CDH26: variants seen among roughly 807,000 people sequenced by gnomAD.
The protein encoded by CDH26 is cadherin 26.
A neutral mutation model predicts 90.3 loss-of-function variants in CDH26; 83 were observed. The observed-to-expected ratio is 0.92, with a 90% CI of 0.77 to 1.10. CDH26 has a LOEUF of 1.10. Ranked by LOEUF, CDH26 falls within the 50% of genes least tolerant of loss-of-function variation. The probability of loss-of-function intolerance (pLI) is 0.00; values close to 1 mark genes in which losing one functional copy is unlikely to be tolerated. For synonymous variants in CDH26, 397 were observed against 396.3 expected, an observed-to-expected ratio of 1.00 and a Z score of -0.02; for missense variants, 1,013 against 1,037.6, an observed-to-expected ratio of 0.98 and a Z score of 0.33.
chr20:60,035,562 C>T (rs1020727257), downstream of CDH26, among the ~76,000 whole-genome samples: 1 of 151,858 alleles, frequency 6.6e-6, no homozygotes, highest in Admixed American at 6.6e-5. Flanking sequence ...TTGTCATTTA[C>T]CCATTTTTTT....
intron 1 of CDH26, among the ~76,000 whole-genome samples, chr20:59,967,882 TTCCTTC>T (rs1569024343): frequency 1.2e-4 from 14 of 116,444 alleles, no homozygotes; most frequent in African/African-American, 5.3e-4. Flanking sequence ...TCTTTCTTCC[TTCCTTC>T]CTTCCTTCCT....
rs1200975482 is a variant in CDH26, at chr20:59,999,580, C to G, written c.2020-6C>G. Reference sequence around the variant, plus strand: ...CTTGTCATATTTCTTTCTCTGTGTTCTACAGACATGGTCAGATGTTGAAGG... The same window carrying G: ...CTTGTCATATTTCTTTCTCTGTGTTGTACAGACATGGTCAGATGTTGAAGG... On this transcript the variant is annotated splice_region_variant and splice_polypyrimidine_tract_variant and intron_variant, in intron 13 of 17. Transcript: ENST00000348616. 2 of 1,612,710 alleles carry G rather than the reference C, an allele frequency of 1.2e-6. No homozygotes were observed. The highest frequency in any genetic ancestry group is 2.2e-5 in the South Asian group (2 of 90,990).
chr20:60,011,758 G>A (rs2061846134), intron 17 of CDH26, among the ~76,000 whole-genome samples: 1 of 152,158 alleles, frequency 6.6e-6, no homozygotes, highest in Admixed American at 6.5e-5. Flanking sequence ...AGCATTGAGG[G>A]AGGGACGTGG....
At chr20:59,970,537 G>A (rs1347079216) in intron 3 of CDH26, among the ~76,000 whole-genome samples, 2 of 151,132 alleles carry the variant, frequency 1.3e-5, no homozygotes, top group African/African-American at 2.4e-5. Context: ...TCGGCCAGGC[G>A]CGGTGGCTCA....
rs1312973339 is a variant in CDH26, at chr20:59,983,194, G to T, written c.541+124G>T. 3.5e-6 allele frequency: 4 copies of T among 1,155,408 alleles called. No homozygotes were observed. The African/African-American group carries it at 6.2e-5, about 18-fold the overall frequency. 71.6% of individuals were successfully genotyped at this position (1,155,408 alleles called of 1,614,324 possible). ...GAGTTTTTACTGTTCACATCTCAAA[G>T]ATCGCAGGCCTTGGATCTGAGCGAA... On this transcript the variant is annotated intron_variant, in intron 5 of 17. Transcript: ENST00000348616.
chr20:59,979,103 T>C (rs1461892776), intron 4 of CDH26, among the ~76,000 whole-genome samples: 1 of 152,038 alleles, frequency 6.6e-6, no homozygotes, highest in East Asian at 1.9e-4. Flanking sequence ...AGTCACACAA[T>C]ACATGGCTTT....
intron 7 of CDH26, among the ~76,000 whole-genome samples, chr20:60,029,561 G>C (rs953414184): frequency 1.2e-4 from 18 of 152,146 alleles, no homozygotes; most frequent in African/African-American, 3.9e-4. Flanking sequence ...GTGGTTTGCT[G>C]TACCTATCAA....
Position 60,013,702 on chromosome 20 carries a change from A to T in CDH26, c.*972A>T, listed in dbSNP as rs941143462. 6.6e-5 allele frequency: 10 copies of T among 152,236 alleles called. No individual in the cohort carries two copies. Among genetic ancestry groups the T allele is most frequent in the Non-Finnish European group, 1.2e-4 (8 of 68,042 alleles). 9.4% of individuals were successfully genotyped at this position (152,236 alleles called of 1,614,324 possible). ...ATGCCGTCTCTCATGCCCTAAAATA[A>T]ATCAGTAGAAACATGTTTGCTGGTG... On this transcript the variant is annotated 3_prime_UTR_variant, in exon 18 of 18. Coordinates refer to ENST00000348616, the MANE Select transcript of CDH26 (RefSeq NM_177980.4).
rs1601148264 is a variant in CDH26 at position 59,989,253 on chromosome 20, G to A, written c.1283+90G>A. 3.2e-6 allele frequency: 5 copies of A among 1,542,422 alleles called. No individual in the cohort carries two copies. The East Asian group carries it at 1.1e-4, about 35-fold the overall frequency. On this transcript the variant is annotated intron_variant, in intron 9 of 17. Coordinates refer to ENST00000348616, the MANE Select transcript of CDH26 (RefSeq NM_177980.4). ...CCTGTTAGAAAACCAGCTCGGCCGG[G>A]CGCGGTGGCTCACGCCTGTAATCCC...
At chr20:59,978,464 C>T (rs1204750810) in intron 4 of CDH26, among the ~76,000 whole-genome samples, 5 of 151,778 alleles carry the variant, frequency 3.3e-5, no homozygotes, top group African/African-American at 1.2e-4. Context: ...CAACCTCTGC[C>T]TCCTGGGTTC....
intron 1 of CDH26, among the ~76,000 whole-genome samples, chr20:59,966,231 T>TAAAAAAAAAAAAA (rs60088029): frequency 1.3e-4 from 10 of 76,266 alleles, no homozygotes; most frequent in African/African-American, 6.3e-4. Context: ...GGTGTTGCAT[T>TAAAAAAAAAAAAA]AAAAAAAAAA....
Position 60,028,905 on chromosome 20 carries a change from C to T in CDH26, c.948-2326C>T, listed in dbSNP as rs188859423. Among the ~76,000 whole-genome samples the T allele has an allele frequency of 2.6e-3, 400 of 152,282 alleles. 3 individuals carry two copies. The highest frequency in any genetic ancestry group is 9.2e-3 in the African/African-American group (381 of 41,544). ...CTCACGTTCGCTGCAGCGTTATTCA[C>T]GGTCCCCATGGTGTGGAAAAAACCT... On this transcript the variant is annotated intron_variant, in intron 7 of 8. Transcript: ENST00000370991.
rs760805909 is a variant in CDH26 at position 59,987,655 on chromosome 20, G to A, written c.1023+17G>A. 6.3e-7 allele frequency: 1 copy of A among 1,589,300 alleles called. No individual in the cohort carries two copies. Among genetic ancestry groups the A allele is most frequent in the East Asian group, 2.3e-5 (1 of 44,196 alleles). On this transcript the variant is annotated intron_variant, in intron 8 of 17. Transcript: ENST00000348616. Reference sequence around the variant, plus strand: ...GTTATCAAGGTAACACCATACCGGTGACATACCAACCAGTTAGTGGCAGAC... The same window carrying A: ...GTTATCAAGGTAACACCATACCGGTAACATACCAACCAGTTAGTGGCAGAC...
rs1285951058 is a variant in CDH26, at chr20:60,030,982, A to G, written c.948-249A>G. On this transcript the variant is annotated intron_variant, in intron 7 of 8. Transcript: ENST00000370991. The surrounding 1 kb of genome is among the most constrained non-coding windows in gnomAD (Gnocchi z 4.0). ...AAGGTAAAGGAATAAAAGAATGGCTACTCCATAGACAAAGCAGCCTCGAGG... is the reference window on the plus strand; with the variant it reads ...AAGGTAAAGGAATAAAAGAATGGCTGCTCCATAGACAAAGCAGCCTCGAGG... Among the ~76,000 whole-genome samples, 1 of 152,194 alleles carries G rather than the reference A, an allele frequency of 6.6e-6. No homozygotes were observed. The highest frequency in any genetic ancestry group is 2.4e-5 in the African/African-American group (1 of 41,450).
intron 5 of CDH26, 122 bp from the exon 6 acceptor site, chr20:59,984,517 T>C (rs1226197103): frequency 8.8e-6 from 6 of 678,596 alleles, no homozygotes; most frequent in Admixed American, 6.1e-5. Context: ...GTTTATTTTA[T>C]ATTTAAACAT....
intron 4 of CDH26, among the ~76,000 whole-genome samples, chr20:59,978,666 G>A (rs146921090): frequency 3.9e-3 from 595 of 151,986 alleles, no homozygotes; most frequent in Middle Eastern, 6.8e-3. Context: ...GAGCCACCAC[G>A]CCCGATCTTA....
At chr20:59,971,251 T>C (rs75177090) in intron 3 of CDH26, among the ~76,000 whole-genome samples, 4,089 of 152,158 alleles carry the variant, frequency 0.027, 171 homozygotes, top group African/African-American at 0.087. Flanking sequence ...TGGTTAAAAG[T>C]GTATATGCCT....
chr20:59,991,507 A>C (rs1259153161), intron 9 of CDH26, among the ~76,000 whole-genome samples: 1 of 152,196 alleles, frequency 6.6e-6, no homozygotes, highest in Non-Finnish European at 1.5e-5. Flanking sequence ...CCTCGTTTGT[A>C]AACATTGCAA....
At chr20:60,012,419 G>A (rs1383670033) in intron 17 of CDH26, 108 bp from the exon 18 acceptor site, 1 of 1,002,836 alleles carries the variant, frequency 1.0e-6, no homozygotes, top group South Asian at 1.6e-5. Flanking sequence ...CACGGGGCCT[G>A]AGTGCTGTTA....
Sources: gnomAD v4.1 joint callset for allele counts (sites outside exome capture counted in the v4.1 genomes callset) on GRCh38, gnomAD v4.1.1 for gene constraint, Gnocchi (gnomAD v3.1) non-coding constraint, MANE v1.5 for transcripts, NCBI Gene and HGNC (gene_info 2026-07-23, HGNC 2026-07-21) for gene names.